Variants in PRRC1 observed in about 807,000 individuals in gnomAD.
PRRC1 encodes the protein proline rich coiled-coil 1, also known as protein PRRC1.
PRRC1 carries 39 observed loss-of-function variants against 40.7 expected under a neutral mutation model. The ratio of observed to expected loss-of-function variants is 0.96; its 90% CI spans 0.74 to 1.25. The LOEUF is 1.25. Ranked by LOEUF, PRRC1 falls within the 50% of genes most tolerant of loss-of-function variation. The pLI, the probability that PRRC1 is intolerant of heterozygous loss-of-function variation, is 0.00. For missense variants in PRRC1, 573 were observed against 548.3 expected, an observed-to-expected ratio of 1.05 and a Z score of -0.45; for synonymous variants, 175 against 193.3, an observed-to-expected ratio of 0.91 and a Z score of 0.79.
In PRRC1 at chr5:127,547,875, A is replaced by C. The variant is rs1274877439; in HGVS notation, c.1082A>C (p.Glu361Ala). ...VEDPVHGIHL[E>A]TFTQATPVPL... ...GATCCTGTCCATGGCATTCATCTAG[A>C]AACATTTACACAAGCCACACCAGTG... Residue 361 changes from glutamate to alanine, a missense_variant, in exon 8 of 9, where the codon GAA becomes GCA. Coordinates refer to ENST00000296666, the MANE Select transcript of PRRC1 (RefSeq NM_130809.5). The C allele has an allele frequency of 6.2e-7, 1 of 1,613,726 alleles. No individual in the cohort carries two copies. Among genetic ancestry groups the C allele is most frequent in the East Asian group, 2.2e-5 (1 of 44,836 alleles).
chr5:127,522,094 C>T (rs1049677481), intron 1 of PRRC1, among the ~76,000 whole-genome samples: 13 of 151,884 alleles, frequency 8.6e-5, no homozygotes, highest in African/African-American at 1.9e-4. Flanking sequence ...GTATAGTGCT[C>T]GTCAAGCAGT....
intron 7 of PRRC1, among the ~76,000 whole-genome samples, chr5:127,541,085 G>C (rs887848254): frequency 2.0e-5 from 3 of 152,164 alleles, no homozygotes; most frequent in Non-Finnish European, 4.4e-5. Context: ...AGCATGAAGA[G>C]TTGTTGAATT....
Position 127,551,951 on chromosome 5 carries a change from C to T in PRRC1, c.*35C>T, listed in dbSNP as rs771843032. ...TACCTGGGAGACTGAGACTTTCCCCCACTTTTAGCTTGATGTTAAAGAAGT... is the reference window on the plus strand; with the variant it reads ...TACCTGGGAGACTGAGACTTTCCCCTACTTTTAGCTTGATGTTAAAGAAGT... On this transcript the variant is annotated 3_prime_UTR_variant, in exon 9 of 9. Coordinates refer to ENST00000296666, the MANE Select transcript of PRRC1 (RefSeq NM_130809.5). 1.2e-6 allele frequency: 2 copies of T among 1,612,156 alleles called. No individual in the cohort carries two copies. The highest frequency in any genetic ancestry group is 2.2e-5 in the South Asian group (2 of 90,908).
At chr5:127,523,064 G>A (rs554110392) in intron 1 of PRRC1, among the ~76,000 whole-genome samples, 17 of 151,964 alleles carry the variant, frequency 1.1e-4, no homozygotes, top group Admixed American at 2.6e-4. Flanking sequence ...TTCCCGTCTT[G>A]GCCTCCCAGA....
chr5:127,544,414 C>G (rs10478772), intron 7 of PRRC1, among the ~76,000 whole-genome samples: 5,848 of 152,330 alleles, frequency 0.038, 152 homozygotes, highest in Non-Finnish European at 0.055. Flanking sequence ...TCAAAGCTGT[C>G]AGACAGGGAC....
intron 6 of PRRC1, among the ~76,000 whole-genome samples, chr5:127,537,230 G>A (rs903249625): frequency 2.0e-5 from 3 of 151,770 alleles, no homozygotes; most frequent in African/African-American, 7.2e-5. Context: ...AAGTTGCTTA[G>A]TATAAGCTCT....
chr5:127,538,994 A>T, intron 6 of PRRC1, 46 bp from the exon 7 acceptor site: 1 of 1,324,158 alleles, frequency 7.6e-7, no homozygotes, highest in Non-Finnish European at 1.1e-6. Flanking sequence ...TATATTTAAT[A>T]TGTAATAATT....
In PRRC1 at chr5:127,548,141, C is replaced by T. The variant is rs538199871; in HGVS notation, c.1128+220C>T. 152 of 599,448 alleles carry T rather than the reference C, an allele frequency of 2.5e-4. 1 individual carries two copies. The Middle Eastern group carries it at 3.9e-3, about 16-fold the overall frequency. The allele number at this position is 599,448 out of a possible 1,614,324, so 37.1% of individuals were successfully genotyped here. On this transcript the variant is annotated intron_variant, in intron 8 of 8. Coordinates refer to ENST00000296666, the MANE Select transcript of PRRC1 (RefSeq NM_130809.5). ...TTCCAGGTGTCTTTGAAAGGTAATA[C>T]ATTACATGGTTAATCATTATTTCTC...
chr5:127,546,985 T>C (rs189621534), intron 7 of PRRC1, among the ~76,000 whole-genome samples: 41 of 152,312 alleles, frequency 2.7e-4, no homozygotes, highest in Non-Finnish European at 4.3e-4. Flanking sequence ...TGTTACTGTA[T>C]ATTTTACTTT....
chr5:127,536,202 T>C (rs929958572), intron 6 of PRRC1, among the ~76,000 whole-genome samples: 20 of 152,062 alleles, frequency 1.3e-4, no homozygotes, highest in African/African-American at 4.3e-4. Flanking sequence ...TAGTATACAT[T>C]GCCAATAAGA....
intron 7 of PRRC1, among the ~76,000 whole-genome samples, chr5:127,544,931 G>T (rs1292911323): frequency 6.6e-6 from 1 of 152,198 alleles, no homozygotes; most frequent in Non-Finnish European, 1.5e-5. Context: ...AGATGAACCT[G>T]GTACCTCAGA....
chr5:127,550,192 T>G (rs1439229545), intron 8 of PRRC1: 1 of 152,124 alleles, frequency 6.6e-6, no homozygotes, highest in Non-Finnish European at 1.5e-5. Flanking sequence ...GTTATTTGCT[T>G]TTTACTTTGC....
At chr5:127,535,823 A>G (rs1016888722) in intron 6 of PRRC1, among the ~76,000 whole-genome samples, 2 of 152,140 alleles carry the variant, frequency 1.3e-5, no homozygotes, top group Non-Finnish European at 2.9e-5. Flanking sequence ...ATTAATTATA[A>G]TTAGTCACTA....
intron 4 of PRRC1, among the ~76,000 whole-genome samples, chr5:127,530,015 T>G (rs1046862380): frequency 1.3e-5 from 2 of 152,122 alleles, no homozygotes; most frequent in Non-Finnish European, 2.9e-5. Flanking sequence ...CACACACATA[T>G]ATATGTATAT....
At chr5:127,547,097 G>C (rs1768247732) in intron 7 of PRRC1, among the ~76,000 whole-genome samples, 1 of 151,902 alleles carries the variant, frequency 6.6e-6, no homozygotes, top group African/African-American at 2.4e-5. Flanking sequence ...ACATTTTCCT[G>C]CTTCATATCC....
rs768561894 is a variant in PRRC1 at position 127,553,884 on chromosome 5, A to C, written c.*1968A>C. ...ATTTTCCTGCCCCTGGTGACCTGGT[A>C]AGCCTCCTGCTCGGAACCGTGTGAG... is the stretch of plus-strand genomic sequence containing the variant. On this transcript the variant is annotated 3_prime_UTR_variant, in exon 9 of 9. Coordinates refer to ENST00000296666, the MANE Select transcript of PRRC1 (RefSeq NM_130809.5). 13 of 1,535,538 alleles carry C rather than the reference A, an allele frequency of 8.5e-6. No individual in the cohort carries two copies. The highest frequency in any genetic ancestry group is 1.0e-5 in the Non-Finnish European group (12 of 1,146,600).
Position 127,554,101 on chromosome 5 carries a change from A to G in PRRC1, c.*2185A>G, listed in dbSNP as rs115900754. On this transcript the variant is annotated 3_prime_UTR_variant, in exon 9 of 9. Transcript: ENST00000296666. Reference sequence around the variant, plus strand: ...TCCCTGTTGTAAAAGGGGCAAGAAAAGTAACTCATCATCTCTAACACACCA... The same window carrying G: ...TCCCTGTTGTAAAAGGGGCAAGAAAGGTAACTCATCATCTCTAACACACCA... 4.2e-4 allele frequency: 218 copies of G among 520,712 alleles called. No individual in the cohort carries two copies. The highest frequency in any genetic ancestry group is 3.5e-3 in the African/African-American group (182 of 51,628). The allele number at this position is 520,712 out of a possible 1,614,324, so 32.3% of individuals were successfully genotyped here.
chr5:127,542,085 G>T (rs1444609226), intron 7 of PRRC1, among the ~76,000 whole-genome samples: 2 of 151,590 alleles, frequency 1.3e-5, no homozygotes, highest in African/African-American at 4.9e-5. Context: ...CTTTGTTCTC[G>T]TTGGTTTCAA....
Position 127,524,850 on chromosome 5 carries a change from T to TAC in PRRC1, c.425_426dup (p.Arg143GlnfsTer13), listed in dbSNP as rs1767575310. ...TTTCTGTTGGTTCAACTTATGACAT[T>TAC]ACAAGGGGACATGCTGGGAGAGCTC... is the stretch of plus-strand genomic sequence containing the variant. On this transcript the variant is annotated frameshift_variant, in exon 3 of 9. Coordinates refer to ENST00000296666, the MANE Select transcript of PRRC1 (RefSeq NM_130809.5). LOFTEE classifies it high-confidence loss of function. The TAC allele has an allele frequency of 1.2e-6, 2 of 1,614,188 alleles. No individual in the cohort carries two copies. The highest frequency in any genetic ancestry group is 1.7e-6 in the Non-Finnish European group (2 of 1,180,022).
Sources: allele counts gnomAD v4.1 joint callset (sites outside exome capture counted in the v4.1 genomes callset), GRCh38; gene constraint gnomAD v4.1.1; transcripts MANE v1.5; gene names NCBI Gene and HGNC (gene_info 2026-07-23, HGNC 2026-07-21).